The following OCM variants were observed in gnomAD, a reference collection of about 807,000 sequenced individuals.
OCM encodes oncomodulin.
In OCM, 18 loss-of-function variants were observed where a neutral mutation model predicts 14.1. The ratio of observed to expected loss-of-function variants is 1.28; its 90% CI spans 0.88 to 1.89. The LOEUF is 1.89. Ranked by LOEUF, OCM falls within the 40% of genes most tolerant of loss-of-function variation. The probability of loss-of-function intolerance (pLI) is 0.00; values close to 1 mark genes in which losing one functional copy is unlikely to be tolerated. For synonymous variants in OCM, 48 were observed against 51.0 expected (o/e 0.94, Z 0.25); for missense variants, 140 against 137.6 (o/e 1.02, Z -0.09).
the OCM span, among the ~76,000 whole-genome samples, chr7:5,874,531 G>T: frequency 6.6e-6 from 1 of 151,784 alleles, no homozygotes; most frequent in Non-Finnish European, 1.5e-5. Flanking sequence ...GAGAGACAGG[G>T]TCTCACTCTG....
intron 1 of OCM, among the ~76,000 whole-genome samples, chr7:5,881,890 C>A (rs150235798): frequency 0.033 from 4,963 of 151,806 alleles, 298 homozygotes; most frequent in African/African-American, 0.11. Flanking sequence ...AGTTCAAGAC[C>A]AACCTGGCCA....
At chr7:5,864,128 C>A in the OCM span, among the ~76,000 whole-genome samples, 1 of 151,838 alleles carries the variant, frequency 6.6e-6, no homozygotes, top group South Asian at 2.1e-4. Context: ...TCGCTTGAGC[C>A]CATGAGTGCA....
At chr7:5,865,967 C>T in the OCM span, among the ~76,000 whole-genome samples, 1 of 151,898 alleles carries the variant, frequency 6.6e-6, no homozygotes, top group Non-Finnish European at 1.5e-5. Context: ...CACTTCAGTC[C>T]CATAATTTCA....
At chr7:5,860,424 CGTATATATGCGT>C in the OCM span, among the ~76,000 whole-genome samples, 1 of 135,908 alleles carries the variant, frequency 7.4e-6, no homozygotes, top group Admixed American at 7.7e-5. Flanking sequence ...ATATATATTA[CGTATATATGCGT>C]GTATATATAC....
chr7:5,878,875 T>TAAAAAA (rs57901741), upstream of OCM, among the ~76,000 whole-genome samples: 3 of 102,024 alleles, frequency 2.9e-5, no homozygotes, highest in Non-Finnish European at 3.8e-5. Context: ...TGCTGAAAGT[T>TAAAAAA]AAAAAAAAAA....
At chr7:5,864,656 T>G in the OCM span, among the ~76,000 whole-genome samples, 1 of 152,042 alleles carries the variant, frequency 6.6e-6, no homozygotes, top group Non-Finnish European at 1.5e-5. Flanking sequence ...AAAGTTCTCA[T>G]TAGAATAAAT....
intron 2 of OCM, 58 bp downstream of exon 2, chr7:5,882,683 A>G (rs1386612660): frequency 4.4e-6 from 7 of 1,595,896 alleles, no homozygotes; most frequent in Non-Finnish European, 6.0e-6. Context: ...CCTGGGGTGC[A>G]GTGGGGGCCA....
chr7:5,869,484 G>A, the OCM span, among the ~76,000 whole-genome samples: 2 of 152,038 alleles, frequency 1.3e-5, no homozygotes, highest in African/African-American at 2.4e-5. Flanking sequence ...TGTAGTCCCC[G>A]CTACTCAGGA....
the OCM span, chr7:5,872,077 G>C: frequency 6.6e-6 from 1 of 152,220 alleles, no homozygotes; most frequent in Non-Finnish European, 1.5e-5. Context: ...CTGCGTACCG[G>C]AGCCCACAGA....
chr7:5,872,342 C>T, the OCM span, among the ~76,000 whole-genome samples: 1 of 152,182 alleles, frequency 6.6e-6, no homozygotes, highest in Admixed American at 6.6e-5. Flanking sequence ...ACAGCAGTCA[C>T]TTCGTCTCAC....
At chr7:5,859,792 G>A in the OCM span, among the ~76,000 whole-genome samples, 1 of 152,018 alleles carries the variant, frequency 6.6e-6, no homozygotes, top group Non-Finnish European at 1.5e-5. Flanking sequence ...CCGCCTCCCG[G>A]GTTCAAGCGA....
upstream of OCM, among the ~76,000 whole-genome samples, chr7:5,880,524 C>T (rs555254449): frequency 8.5e-5 from 13 of 152,092 alleles, no homozygotes; most frequent in Non-Finnish European, 1.5e-4. Flanking sequence ...TTTGTGAGGC[C>T]AAGGCAGGCA....
At chr7:5,867,973 A>G in the OCM span, among the ~76,000 whole-genome samples, 413 of 152,050 alleles carry the variant, frequency 2.7e-3, 1 homozygote, top group African/African-American at 9.4e-3. Flanking sequence ...CCTGAGCTCT[A>G]GTGATCCACC....
rs1781279799 is a variant in OCM, at chr7:5,883,949, C to A, written c.254C>A (p.Ser85Tyr). ...GAACTGACCGAGTCAGAAACCAAGTCCTTGATGGCTGCGGCGGATAATGAT... is the reference window on the plus strand; with the variant it reads ...GAACTGACCGAGTCAGAAACCAAGTACTTGATGGCTGCGGCGGATAATGAT... ...ARELTESETK[S>Y]LMAAADNDGD... Residue 85 changes from serine to tyrosine, a missense_variant, in exon 3 of 4, where the codon TCC becomes TAC. Ser to Tyr is a moderately radical substitution (Grantham distance 144, BLOSUM62 -2). Coordinates refer to ENST00000242104, the MANE Select transcript of OCM (RefSeq NM_001097622.2). The A allele has an allele frequency of 6.2e-7, 1 of 1,613,414 alleles. No homozygotes were observed. Among genetic ancestry groups the A allele is most frequent in the Non-Finnish European group, 8.5e-7 (1 of 1,179,752 alleles).
upstream of OCM, among the ~76,000 whole-genome samples, chr7:5,875,195 C>G (rs1781071698): frequency 6.6e-6 from 1 of 151,846 alleles, no homozygotes; most frequent in African/African-American, 2.4e-5. Context: ...GCTGGGATTA[C>G]AGACACCCAC....
At chr7:5,862,286 C>G in the OCM span, among the ~76,000 whole-genome samples, 1 of 152,042 alleles carries the variant, frequency 6.6e-6, no homozygotes, top group Non-Finnish European at 1.5e-5. Context: ...CTTTTGTTCC[C>G]AAATGGAGAG....
the OCM span, among the ~76,000 whole-genome samples, chr7:5,860,733 C>T: frequency 2.5e-3 from 331 of 130,450 alleles, no homozygotes; most frequent in Middle Eastern, 5.0e-3. Flanking sequence ...TGTATATATT[C>T]ACGTATATAT....
chr7:5,870,267 C>T, the OCM span, among the ~76,000 whole-genome samples: 3 of 152,016 alleles, frequency 2.0e-5, no homozygotes, highest in African/African-American at 4.8e-5. Context: ...CGTACCACCC[C>T]GCCTGGCTAA....
chr7:5,877,618 A>C, upstream of OCM, among the ~76,000 whole-genome samples: 1 of 151,958 alleles, frequency 6.6e-6, no homozygotes, highest in East Asian at 1.9e-4. Flanking sequence ...CAGGAGTTCG[A>C]GACCAGCCTG....
Sources: gnomAD v4.1 joint callset for allele counts (sites outside exome capture counted in the v4.1 genomes callset) on GRCh38, gnomAD v4.1.1 for gene constraint, MANE v1.5 for transcripts, NCBI Gene and HGNC (gene_info 2026-07-23, HGNC 2026-07-21) for gene names.